The following PABPC4L variants were observed in gnomAD, a reference collection of about 807,000 sequenced individuals.
PABPC4L encodes the protein poly(A) binding protein cytoplasmic 4 like.
For synonymous variants in PABPC4L, 169 were observed against 164.1 expected (o/e 1.03, Z -0.23); for missense variants, 452 against 451.4 (o/e 1.00, Z -0.01).
At chr4:134,044,303 G>A in the PABPC4L span, among the ~76,000 whole-genome samples, 4 of 151,258 alleles carry the variant, frequency 2.6e-5, no homozygotes, top group Non-Finnish European at 5.9e-5. Flanking sequence ...TCACTCTGTC[G>A]CCCAGGCTGG....
the PABPC4L span, among the ~76,000 whole-genome samples, chr4:133,973,798 A>T: frequency 6.6e-6 from 1 of 152,214 alleles, no homozygotes; most frequent in Non-Finnish European, 1.5e-5. Context: ...ATTGTTTAAT[A>T]TTAAAGGTTC....
the PABPC4L span, among the ~76,000 whole-genome samples, chr4:134,033,607 AAC>A: frequency 1.1e-4 from 16 of 152,072 alleles, no homozygotes; most frequent in African/African-American, 3.9e-4. Flanking sequence ...AAGGAAGTGA[AAC>A]AGTTTTATTT....
At chr4:134,102,433 C>A in the PABPC4L span, among the ~76,000 whole-genome samples, 4 of 151,360 alleles carry the variant, frequency 2.6e-5, no homozygotes, top group South Asian at 8.3e-4. Context: ...TCCTGATACC[C>A]CAGCACAACT....
the PABPC4L span, among the ~76,000 whole-genome samples, chr4:134,006,900 G>A: frequency 4.8e-5 from 7 of 145,514 alleles, no homozygotes; most frequent in Admixed American, 4.8e-4. Flanking sequence ...AAGCAATGAT[G>A]CAAAAAAAAA....
the PABPC4L span, among the ~76,000 whole-genome samples, chr4:134,039,966 A>C: frequency 2.0e-5 from 3 of 152,052 alleles, no homozygotes; most frequent in Non-Finnish European, 2.9e-5. Flanking sequence ...CCCTTTCACA[A>C]TTGCTACAAA....
the PABPC4L span, among the ~76,000 whole-genome samples, chr4:134,102,816 T>A: frequency 6.6e-6 from 1 of 151,538 alleles, no homozygotes; most frequent in Admixed American, 6.6e-5. Context: ...TTTATATAAT[T>A]TCTATATATA....
chr4:134,075,434 T>C, the PABPC4L span, among the ~76,000 whole-genome samples: 2 of 152,180 alleles, frequency 1.3e-5, no homozygotes, highest in Non-Finnish European at 2.9e-5. Context: ...AATTAATTAA[T>C]AATGCATTCA....
At chr4:133,956,811 G>T in the PABPC4L span, among the ~76,000 whole-genome samples, 1 of 152,200 alleles carries the variant, frequency 6.6e-6, no homozygotes, top group African/African-American at 2.4e-5. Flanking sequence ...TCACAGAGCA[G>T]CAGGAAGAAG....
chr4:134,029,599 T>G, the PABPC4L span, among the ~76,000 whole-genome samples: 1 of 152,104 alleles, frequency 6.6e-6, no homozygotes, highest in Admixed American at 6.6e-5. Flanking sequence ...TTTAAAAATA[T>G]TTAATAATAT....
the PABPC4L span, among the ~76,000 whole-genome samples, chr4:133,992,172 G>C: frequency 6.6e-6 from 1 of 152,152 alleles, no homozygotes; most frequent in Non-Finnish European, 1.5e-5. Flanking sequence ...TCAAAGCCAC[G>C]ATGGATGCAG....
chr4:134,149,563 G>T, the PABPC4L span, among the ~76,000 whole-genome samples: 2 of 152,118 alleles, frequency 1.3e-5, no homozygotes, highest in Non-Finnish European at 2.9e-5. Flanking sequence ...CAAAGAAATT[G>T]TTCCCAGGTC....
chr4:133,982,396 C>T, the PABPC4L span, among the ~76,000 whole-genome samples: 2 of 152,024 alleles, frequency 1.3e-5, no homozygotes, highest in East Asian at 3.9e-4. Context: ...TTAACTCTTT[C>T]AACAATTATT....
the PABPC4L span, among the ~76,000 whole-genome samples, chr4:133,986,535 T>C: frequency 3.3e-5 from 5 of 152,156 alleles, no homozygotes; most frequent in African/African-American, 9.7e-5. Flanking sequence ...TTGTCTACAA[T>C]GTCAATGATC....
chr4:134,116,687 A>C, the PABPC4L span, among the ~76,000 whole-genome samples: 1 of 151,922 alleles, frequency 6.6e-6, no homozygotes, highest in South Asian at 2.1e-4. Flanking sequence ...TTACATTATT[A>C]ACAATGAAAA....
the PABPC4L span, among the ~76,000 whole-genome samples, chr4:134,144,594 A>C: frequency 1.3e-5 from 2 of 150,946 alleles, no homozygotes; most frequent in South Asian, 4.2e-4. Context: ...AAAAAAAAAA[A>C]ACAGTTCAGT....
chr4:134,131,323 T>A, the PABPC4L span, among the ~76,000 whole-genome samples: 104,515 of 151,908 alleles, frequency 0.69, 37,123 homozygotes, highest in East Asian at 1. Context: ...ATCTCCTAGA[T>A]ATAGTAAGTG....
chr4:133,998,158 T>C, the PABPC4L span, among the ~76,000 whole-genome samples: 1 of 151,804 alleles, frequency 6.6e-6, no homozygotes, highest in Non-Finnish European at 1.5e-5. Flanking sequence ...CCTTTTCCTA[T>C]CCTATGGTTA....
At chr4:134,141,101 A>G in the PABPC4L span, among the ~76,000 whole-genome samples, 10 of 151,788 alleles carry the variant, frequency 6.6e-5, no homozygotes, top group Non-Finnish European at 1.0e-4. Context: ...GAATGAGCTA[A>G]TGGAAAACTA....
At chr4:134,153,409 C>A in the PABPC4L span, among the ~76,000 whole-genome samples, 1 of 151,718 alleles carries the variant, frequency 6.6e-6, no homozygotes, top group African/African-American at 2.4e-5. Context: ...ATTTTCCATG[C>A]AAATGTCCAT....
Sources: allele counts gnomAD v4.1 joint callset (sites outside exome capture counted in the v4.1 genomes callset), GRCh38; gene constraint gnomAD v4.1.1; transcripts MANE v1.5; gene names NCBI Gene and HGNC (gene_info 2026-07-23, HGNC 2026-07-21).